C5: variants seen among roughly 807,000 people sequenced by gnomAD.
C5 encodes the protein complement C5, also known as C3 and PZP-like alpha-2-macroglobulin domain-containing protein 4.
In C5, 140 loss-of-function variants were observed where a neutral mutation model predicts 218.8. The ratio of observed to expected loss-of-function variants is 0.64; its 90% CI spans 0.56 to 0.74. The LOEUF (loss-of-function observed/expected upper bound fraction) is 0.74. C5 is among the 30% of genes least tolerant of loss of function. The pLI, the probability that C5 is intolerant of heterozygous loss-of-function variation, is 0.00. For synonymous variants in C5, 614 were observed against 682.3 expected (o/e 0.90, Z 1.56); for missense variants, 1,700 against 1,969.6 (o/e 0.86, Z 2.59).
At chr9:121,029,915 G>A (rs1345260271) in intron 7 of C5, among the ~76,000 whole-genome samples, 3 of 152,156 alleles carry the variant, frequency 2.0e-5, no homozygotes, top group Non-Finnish European at 4.4e-5. Context: ...CCAGCCCCCA[G>A]CTGACCTACC....
intron 33 of C5, among the ~76,000 whole-genome samples, chr9:120,965,287 G>C (rs2046858702): frequency 6.6e-6 from 1 of 152,032 alleles, no homozygotes; most frequent in African/African-American, 2.4e-5. Context: ...ACTTTGAGAG[G>C]CTGAGTCAGA....
the C5 span, among the ~76,000 whole-genome samples, chr9:121,071,898 G>A: frequency 6.6e-6 from 1 of 152,164 alleles, no homozygotes; most frequent in Non-Finnish European, 1.5e-5. Flanking sequence ...TCACCCTGAC[G>A]TGGCTAATAT....
chr9:120,993,966 G>A (rs1267807982), intron 22 of C5, among the ~76,000 whole-genome samples: 10 of 152,192 alleles, frequency 6.6e-5, no homozygotes, highest in African/African-American at 2.4e-4. Flanking sequence ...TGAGGATGGT[G>A]TGTCAGGAAA....
At chr9:121,010,058 G>A (rs543881527) in intron 17 of C5, among the ~76,000 whole-genome samples, 9 of 152,324 alleles carry the variant, frequency 5.9e-5, no homozygotes, top group Non-Finnish European at 1.3e-4. Context: ...AGGGCCCTAG[G>A]TTAACTTGAG....
At chr9:121,000,586 T>C (rs1379364479) in intron 20 of C5, among the ~76,000 whole-genome samples, 2 of 152,194 alleles carry the variant, frequency 1.3e-5, no homozygotes, top group East Asian at 3.8e-4. Flanking sequence ...CATCTGGCTA[T>C]TTGGGATTAG....
At chr9:121,007,890 C>T (rs1015249548) in intron 18 of C5, among the ~76,000 whole-genome samples, 3 of 152,206 alleles carry the variant, frequency 2.0e-5, no homozygotes, top group African/African-American at 7.2e-5. Context: ...GAGGAGACAA[C>T]TGCAGGCCTT....
intron 20 of C5, among the ~76,000 whole-genome samples, 156 bp from the exon 21 acceptor site, chr9:120,997,930 G>A (rs1050086882): frequency 3.9e-5 from 6 of 152,114 alleles, no homozygotes; most frequent in East Asian, 1.9e-4. Flanking sequence ...AGCCTCCTGA[G>A]TAGCTGGGAT....
the C5 span, among the ~76,000 whole-genome samples, chr9:121,069,370 A>C: frequency 1.3e-5 from 2 of 152,350 alleles, no homozygotes; most frequent in East Asian, 3.8e-4. Context: ...ACAAATGACC[A>C]ACAAATATAT....
chr9:120,984,801 A>G (rs2047021303), intron 25 of C5, among the ~76,000 whole-genome samples: 1 of 134,746 alleles, frequency 7.4e-6, no homozygotes, highest in Non-Finnish European at 1.5e-5. Flanking sequence ...GGCTCACTAC[A>G]GCTTCCACCT....
Position 120,989,653 on chromosome 9 carries a change from GT to G in C5, c.3068del (p.His1023ProfsTer17). 6.2e-7 allele frequency: 1 copy of G among 1,613,446 alleles called. No homozygotes were observed. The highest frequency in any genetic ancestry group is 8.5e-7 in the Non-Finnish European group (1 of 1,179,614). ...TCCAATGATTTCCTGTTTCCAGGTA[GT>G]GAAAAACATAGAATACTGGGACAAC... ...MSVVPVFYVFHYLETGNHWNI... is the reference protein window; with the variant it reads ...MSVVPVFYVFXYLETGNHWNI... On this transcript the variant is annotated frameshift_variant, in exon 24 of 41. Transcript: ENST00000223642. LOFTEE classifies it high-confidence loss of function.
In C5 at chr9:120,961,465, T is replaced by C; in HGVS notation, c.4588+17A>G. On this transcript the variant is annotated intron_variant, in intron 37 of 40. Coordinates refer to ENST00000223642, the MANE Select transcript of C5 (RefSeq NM_001735.3). ...TTTAAATAAGCATGCAGCCTAAATA[T>C]GTTAAATAAAGTTTACCTTCTACAC... is the stretch of plus-strand genomic sequence containing the variant. The C allele has an allele frequency of 2.6e-6, 4 of 1,546,664 alleles. No homozygotes were observed. The South Asian group carries it at 3.3e-5, about 13-fold the overall frequency.
intron 17 of C5, among the ~76,000 whole-genome samples, 156 bp from the exon 18 acceptor site, chr9:121,008,654 G>T (rs997769570): frequency 6.6e-6 from 1 of 152,104 alleles, no homozygotes; most frequent in Non-Finnish European, 1.5e-5. Context: ...TATAGGCAGG[G>T]TGCAGTGGCT....
chr9:120,984,714 CTTT>C (rs149222003), intron 25 of C5, among the ~76,000 whole-genome samples: 990 of 69,180 alleles, frequency 0.014, 9 homozygotes, highest in East Asian at 0.067. Flanking sequence ...TAAGCTCTTA[CTTT>C]TTTTTTTTTT....
intron 33 of C5, among the ~76,000 whole-genome samples, chr9:120,965,316 T>G (rs1055586823): frequency 9.2e-5 from 14 of 152,086 alleles, no homozygotes; most frequent in Admixed American, 2.6e-4. Flanking sequence ...AGCCAGGAGT[T>G]CGAGACCAGC....
At chr9:120,998,385 CCT>C (rs752221876) in intron 20 of C5, among the ~76,000 whole-genome samples, 25 of 152,272 alleles carry the variant, frequency 1.6e-4, no homozygotes, top group Admixed American at 4.6e-4. Flanking sequence ...CACTTATTAC[CCT>C]GTCTCTTTAC....
At chr9:121,008,589 A>G (rs1036711937) in intron 17 of C5, 91 bp from the exon 18 acceptor site, 1 of 930,392 alleles carries the variant, frequency 1.1e-6, no homozygotes, top group Non-Finnish European at 1.7e-6. Context: ...TCTGTAACTT[A>G]AGCATTTTCT....
intron 29 of C5, 37 bp downstream of exon 29, chr9:120,976,663 G>T (rs1352230177): frequency 1.3e-6 from 2 of 1,538,184 alleles, no homozygotes; most frequent in Admixed American, 3.3e-5. Flanking sequence ...AAATAAAAAT[G>T]TCTACAGGGA....
intron 3 of C5, among the ~76,000 whole-genome samples, chr9:121,039,701 T>G (rs929911754): frequency 3.3e-5 from 5 of 152,068 alleles, no homozygotes; most frequent in African/African-American, 1.2e-4. Context: ...CAGGCTGGAG[T>G]GCAGTGGCGC....
At chr9:121,005,643 A>G (rs1264276074) in intron 20 of C5, among the ~76,000 whole-genome samples, 1 of 152,160 alleles carries the variant, frequency 6.6e-6, no homozygotes, top group Non-Finnish European at 1.5e-5. Flanking sequence ...CTAAAGATGA[A>G]TTCACCCTTC....
Sources: gnomAD v4.1 joint callset for allele counts (sites outside exome capture counted in the v4.1 genomes callset) on GRCh38, gnomAD v4.1.1 for gene constraint, MANE v1.5 for transcripts, NCBI Gene and HGNC (gene_info 2026-07-23, HGNC 2026-07-21) for gene names.